Variants in STPG2 observed in about 807,000 individuals in gnomAD.
STPG2 encodes sperm-tail PG-rich repeat-containing protein 2.
STPG2 carries 56 observed loss-of-function variants against 54.2 expected under a neutral mutation model. That is an observed-to-expected ratio of 1.03 (90% confidence interval 0.83 to 1.29). The LOEUF (loss-of-function observed/expected upper bound fraction) is 1.29. Among genes scored for constraint, STPG2 ranks in the 50% most tolerant of loss-of-function variants. The pLI is 0.00. For synonymous variants in STPG2, 200 were observed against 181.8 expected (o/e 1.10, Z -0.81); for missense variants, 596 against 544.9 (o/e 1.09, Z -0.93).
At chr4:97,711,976 G>A (rs948267844) in intron 10 of STPG2, among the ~76,000 whole-genome samples, 4 of 152,066 alleles carry the variant, frequency 2.6e-5, no homozygotes, top group Non-Finnish European at 5.9e-5. Flanking sequence ...GCCTTAGATT[G>A]TGACATTTTA....
chr4:97,902,228 T>C (rs925741475), intron 8 of STPG2, among the ~76,000 whole-genome samples: 1 of 152,082 alleles, frequency 6.6e-6, no homozygotes, highest in African/African-American at 2.4e-5. Context: ...GAAAGCTCTA[T>C]GACACTGGTC....
At chr4:98,003,111 C>T (rs1735463675) in intron 5 of STPG2, among the ~76,000 whole-genome samples, 1 of 151,902 alleles carries the variant, frequency 6.6e-6, no homozygotes, top group Non-Finnish European at 1.5e-5. Flanking sequence ...CAAATAGTGC[C>T]AACAGTTTAA....
At chr4:97,496,572 G>A (rs1578343373) in intron 4 of STPG2, among the ~76,000 whole-genome samples, 1 of 151,734 alleles carries the variant, frequency 6.6e-6, no homozygotes, top group Non-Finnish European at 1.5e-5. Context: ...AACCTAGAAG[G>A]TAGCAAGAAA....
rs187598958 is a variant in STPG2 at position 97,737,918 on chromosome 4, C to G, written c.1205-25104G>C. 3.3e-3 allele frequency among the ~76,000 whole-genome samples: 496 copies of G among 152,144 alleles called. 4 individuals are homozygous for G. Among genetic ancestry groups the G allele is most frequent in the African/African-American group, 0.011 (476 of 41,486 alleles). On this transcript the variant is annotated intron_variant, in intron 9 of 10. Coordinates refer to ENST00000295268, the MANE Select transcript of STPG2 (RefSeq NM_174952.3). ...CCAAGACACAAAATTGCCAGATTCACCAAAGTTGAAATGAAGGAAAAAATG... is the reference window on the plus strand; with the variant it reads ...CCAAGACACAAAATTGCCAGATTCAGCAAAGTTGAAATGAAGGAAAAAATG...
At chr4:97,996,463 G>A (rs1735241786) in intron 5 of STPG2, among the ~76,000 whole-genome samples, 1 of 152,084 alleles carries the variant, frequency 6.6e-6, no homozygotes, top group Non-Finnish European at 1.5e-5. Context: ...AACTCAAGAT[G>A]GATTAAAGAC....
In STPG2 at chr4:97,972,255, T is replaced by C; in HGVS notation, c.933+25A>G. 3 of 1,468,354 alleles carry C rather than the reference T, an allele frequency of 2.0e-6. No individual in the cohort carries two copies. The South Asian group carries it at 4.0e-5, about 20-fold the overall frequency. The allele number at this position is 1,468,354 out of a possible 1,614,324, so 91.0% of individuals were successfully genotyped here. A position where few individuals can be genotyped will look rare whatever the true frequency, so the allele number is the denominator to read the frequency against. On this transcript the variant is annotated intron_variant, in intron 7 of 10. Coordinates refer to ENST00000295268, the MANE Select transcript of STPG2 (RefSeq NM_174952.3). ...AGAGCTTGATATTCAACATAAAGAA[T>C]ATTATTTTTGTATGAATGTATTACC... is the stretch of plus-strand genomic sequence containing the variant.
At chr4:98,018,600 T>C (rs1459078483) in intron 5 of STPG2, among the ~76,000 whole-genome samples, 1 of 152,154 alleles carries the variant, frequency 6.6e-6, no homozygotes, top group Non-Finnish European at 1.5e-5. Context: ...CACACTGACT[T>C]CCACAATGGT....
chr4:97,781,444 C>T (rs1726609068), intron 9 of STPG2, among the ~76,000 whole-genome samples: 1 of 152,020 alleles, frequency 6.6e-6, no homozygotes, highest in East Asian at 1.9e-4. Context: ...AATTAATAGC[C>T]TACCAACCAA....
intron 9 of STPG2, among the ~76,000 whole-genome samples, chr4:97,741,170 C>T (rs2149036778): frequency 6.6e-6 from 1 of 152,188 alleles, no homozygotes; most frequent in South Asian, 2.1e-4. Context: ...ATGTAGAAAG[C>T]TGAAACTGGA....
chr4:97,454,232 C>T (rs978318749), intron 4 of STPG2, among the ~76,000 whole-genome samples: 2 of 151,798 alleles, frequency 1.3e-5, no homozygotes, highest in African/African-American at 2.4e-5. Context: ...AAAAGGGATT[C>T]GCCGGGCACG....
intron 4 of STPG2, among the ~76,000 whole-genome samples, chr4:97,508,848 G>A (rs1284319702): frequency 6.6e-6 from 1 of 151,812 alleles, no homozygotes; most frequent in Non-Finnish European, 1.5e-5. Flanking sequence ...TATACTAGAG[G>A]GCCAAAGTAT....
At chr4:97,458,382 T>C (rs942747481) in intron 4 of STPG2, among the ~76,000 whole-genome samples, 19 of 152,334 alleles carry the variant, frequency 1.2e-4, no homozygotes, top group Non-Finnish European at 1.8e-4. Flanking sequence ...TGAATTATAA[T>C]TGAGGTAAAA....
chr4:98,106,499 G>A (rs527921313), intron 4 of STPG2, among the ~76,000 whole-genome samples: 4 of 152,166 alleles, frequency 2.6e-5, no homozygotes, highest in South Asian at 2.1e-4. Context: ...CAAAAAGGAA[G>A]CTTCTTTTCA....
At chr4:97,711,006 T>A (rs1188939109) in intron 10 of STPG2, among the ~76,000 whole-genome samples, 1 of 151,472 alleles carries the variant, frequency 6.6e-6, no homozygotes. Context: ...ACATCTATCA[T>A]AAAGTATAAA....
At chr4:97,533,639 T>A (rs1731464882) in intron 4 of STPG2, among the ~76,000 whole-genome samples, 1 of 152,132 alleles carries the variant, frequency 6.6e-6, no homozygotes, top group South Asian at 2.1e-4. Flanking sequence ...CATTATAGAT[T>A]AGTGTCATGA....
chr4:97,522,019 AAG>A (rs1731190335), intron 4 of STPG2, among the ~76,000 whole-genome samples: 5 of 152,184 alleles, frequency 3.3e-5, no homozygotes, highest in Non-Finnish European at 7.4e-5. Flanking sequence ...AAAAATGCCA[AAG>A]TAAATATGCT....
chr4:97,482,258 T>C (rs969867950), intron 4 of STPG2, among the ~76,000 whole-genome samples: 19 of 151,524 alleles, frequency 1.3e-4, no homozygotes, highest in South Asian at 4.1e-4. Context: ...AAGTTTTGGA[T>C]CTACGTTAAA....
intron 4 of STPG2, among the ~76,000 whole-genome samples, chr4:97,540,914 C>A: frequency 6.6e-6 from 1 of 152,088 alleles, no homozygotes; most frequent in East Asian, 1.9e-4. Context: ...TGACAGTTTT[C>A]AACAGCCATT....
chr4:97,665,771 G>A lies in STPG2; in HGVS notation c.1320+46928C>T, dbSNP rs539548770. On this transcript the variant is annotated intron_variant, in intron 10 of 10. Transcript: ENST00000295268. ...AGCACCAAGCTGCCCTCAGCACTCC[G>A]TCAGCTTCCCTCCCATGCTCATTGG... Among the ~76,000 whole-genome samples the A allele has an allele frequency of 3.3e-5, 5 of 152,218 alleles. No homozygotes were observed. In the East Asian group the frequency reaches 5.8e-4, roughly 18 times the overall value.
Sources: gnomAD v4.1 joint callset for allele counts (sites outside exome capture counted in the v4.1 genomes callset) on GRCh38, gnomAD v4.1.1 for gene constraint, MANE v1.5 for transcripts, NCBI Gene and HGNC (gene_info 2026-07-23, HGNC 2026-07-21) for gene names.